ZNF594: variants seen among roughly 807,000 people sequenced by gnomAD.
The protein encoded by ZNF594 is zinc finger protein 594, also known as zinc finger protein HZF18.
For synonymous variants in ZNF594, 336 were observed against 309.4 expected, an observed-to-expected ratio of 1.09 and a Z score of -0.90; for missense variants, 1,037 against 964.6, an observed-to-expected ratio of 1.08 and a Z score of -0.99.
downstream of ZNF594, among the ~76,000 whole-genome samples, chr17:5,177,432 G>A (rs755537881): frequency 5.3e-5 from 8 of 152,118 alleles, no homozygotes; most frequent in Admixed American, 1.3e-4. Flanking sequence ...TTACTAGGCC[G>A]GACATGGTGG....
chr17:5,183,980 A>G lies in ZNF594; in HGVS notation c.277T>C (p.Ser93Pro). 1 of 1,614,086 alleles carries G rather than the reference A, an allele frequency of 6.2e-7. No homozygotes were observed. Among genetic ancestry groups the G allele is most frequent in the Non-Finnish European group, 8.5e-7 (1 of 1,180,022 alleles). The change falls in exon 2 of 2, where the codon TCT becomes CCT. Residue 93 changes from serine to proline, a missense_variant. Coordinates refer to ENST00000575779, the MANE Select transcript of ZNF594 (RefSeq NM_032530.2). ...TATCTATGGGAGCTTTCTCCTGCAG[A>G]AAGTATTTTTTCTCCTTCATTACAT... ...HGCNEGEKIL[S>P]AGESSHRYEV...
downstream of ZNF594, among the ~76,000 whole-genome samples, chr17:5,178,178 TAA>T (rs143332678): frequency 6.7e-6 from 1 of 149,072 alleles, no homozygotes; most frequent in Non-Finnish European, 1.5e-5. Context: ...ACAAATATTC[TAA>T]AAAAAACCAT....
Position 5,183,133 on chromosome 17 carries a change from G to T in ZNF594, c.1124C>A (p.Ala375Asp), listed in dbSNP as rs1192245495. 6.2e-7 allele frequency: 1 copy of T among 1,614,120 alleles called. No homozygotes were observed. ...EEQRIHQEEK[A>D]YWCNQCGRNF... ...CCTACCACACTGATTACACCAATAA[G>T]CTTTCTCTTCCTGGTGAATTCTCTG... The change falls in exon 2 of 2, where the codon GCT (alanine) becomes GAT (aspartate). Residue 375 changes from alanine (A) to aspartate (D), a missense_variant. Transcript: ENST00000575779.
At chr17:5,185,127 G>A (rs2074377831) in intron 1 of ZNF594, among the ~76,000 whole-genome samples, 1 of 152,170 alleles carries the variant, frequency 6.6e-6, no homozygotes, top group Non-Finnish European at 1.5e-5. Context: ...TGAGCTTATT[G>A]CTTTTGAGGG....
Position 5,182,003 on chromosome 17 carries a change from G to C in ZNF594, c.2254C>G (p.Gln752Glu). The C allele has an allele frequency of 6.2e-7, 1 of 1,613,404 alleles. No homozygotes were observed. The highest frequency in any genetic ancestry group is 8.5e-7 in the Non-Finnish European group (1 of 1,179,938). Residue 752 changes from glutamine (Q) to glutamate (E), a missense_variant, in exon 2 of 2, where the codon CAG becomes GAG. By Grantham distance (29) the Gln-to-Glu change is conservative. Coordinates refer to ENST00000575779, the MANE Select transcript of ZNF594 (RefSeq NM_032530.2). ...ACTTTCTTTTCCTGGTGAGTTCTCTGCTCTTTTCTAAGCTCCTCATCCTTG... is the reference window on the plus strand; with the variant it reads ...ACTTTCTTTTCCTGGTGAGTTCTCTCCTCTTTTCTAAGCTCCTCATCCTTG... Reference protein sequence around the residue: ...FSKDEELRKEQRTHQEKKVYW... With the variant: ...FSKDEELRKEERTHQEKKVYW...
At chr17:5,187,886 C>CTT (rs2074395637) in intron 1 of ZNF594, among the ~76,000 whole-genome samples, 2 of 103,396 alleles carry the variant, frequency 1.9e-5, no homozygotes, top group Admixed American at 2.2e-4. Context: ...GGCTGGATTT[C>CTT]CTTTTTTTTT....
In ZNF594 at chr17:5,184,265, T is replaced by C; in HGVS notation, c.-9A>G. ...GATTTCCATTCCTTCATCTTATTCC[T>C]GTCTTCAGAATCTGAAATGATAAGT... On this transcript the variant is annotated 5_prime_UTR_variant, in exon 2 of 2. Transcript: ENST00000575779. 1 of 1,605,368 alleles carries C rather than the reference T, an allele frequency of 6.2e-7. No homozygotes were observed. Among genetic ancestry groups the C allele is most frequent in the South Asian group, 1.1e-5 (1 of 89,812 alleles).
rs756011229 is a variant in ZNF594, at chr17:5,181,474, C to T, written c.*359G>A. 6.2e-7 allele frequency: 1 copy of T among 1,613,954 alleles called. No homozygotes were observed. The highest frequency in any genetic ancestry group is 8.5e-7 in the Non-Finnish European group (1 of 1,179,886). Reference sequence around the variant, plus strand: ...TTGCTGAAGGTTTTCTCACGTTCTTCAAGTTTCTCTCCAGCATGCAGTCTC... The same window carrying T: ...TTGCTGAAGGTTTTCTCACGTTCTTTAAGTTTCTCTCCAGCATGCAGTCTC... On this transcript the variant is annotated 3_prime_UTR_variant, in exon 2 of 2. Coordinates refer to ENST00000575779, the MANE Select transcript of ZNF594 (RefSeq NM_032530.2).
chr17:5,174,242 T>G, the ZNF594 span: 2 of 190,110 alleles, frequency 1.1e-5, no homozygotes, highest in African/African-American at 4.7e-5. Flanking sequence ...GAGGTAGAAT[T>G]TTTTTCATGT....
downstream of ZNF594, among the ~76,000 whole-genome samples, chr17:5,175,751 C>T (rs1200651570): frequency 1.3e-5 from 2 of 151,978 alleles, no homozygotes; most frequent in South Asian, 2.1e-4. Context: ...TAGCGGGCAC[C>T]GAGAAACCAG....
chr17:5,183,860 C>T lies in ZNF594; in HGVS notation c.397G>A (p.Glu133Lys). Residue 133 changes from glutamate to lysine, a missense_variant, in exon 2 of 2, where the codon GAA (glutamate) becomes AAA (lysine). Physicochemically the swap from Glu to Lys is moderately conservative, Grantham distance 56. Transcript: ENST00000575779. ...INKTYECKEC[E>K]KTFNRSSNLI... is the part of the protein sequence containing the mutation. ...TTTGAACTCCTGTTGAAGGTTTTTT[C>T]ACATTCCTTACATTCATAGGTCTTA... The T allele has an allele frequency of 6.2e-7, 1 of 1,613,442 alleles. No individual in the cohort carries two copies. Among genetic ancestry groups the T allele is most frequent in the Non-Finnish European group, 8.5e-7 (1 of 1,179,874 alleles).
chr17:5,184,478 G>A (rs551888106), intron 1 of ZNF594: 37 of 560,488 alleles, frequency 6.6e-5, no homozygotes, highest in African/African-American at 4.9e-4. Context: ...AACCCGCCAG[G>A]GTGCAGGCTG....
chr17:5,183,218 C>G lies in ZNF594; in HGVS notation c.1039G>C (p.Gly347Arg), dbSNP rs377400226. The change falls in exon 2 of 2, where the codon GGA (glycine) becomes CGA (arginine). Residue 347 changes from glycine (G) to arginine (R), a missense_variant. Physicochemically the swap from Gly to Arg is moderately radical, Grantham distance 125. Transcript: ENST00000575779. ...TTCTCACATTCTTCAATTTTCTCTC[C>G]AGCATGCAATCTCTGATGTTTAAGA... is the stretch of plus-strand genomic sequence containing the variant. ...AFLKHQRLHAGEKIEECEKTF... is the reference protein window; with the variant it reads ...AFLKHQRLHAREKIEECEKTF... The G allele has an allele frequency of 1.9e-6, 3 of 1,614,170 alleles. No individual in the cohort carries two copies. The highest frequency in any genetic ancestry group is 2.5e-6 in the Non-Finnish European group (3 of 1,180,038).
chr17:5,174,113 T>A, the ZNF594 span: 1 of 202,276 alleles, frequency 4.9e-6, no homozygotes, highest in Admixed American at 6.0e-5. Context: ...TTTTTTTATT[T>A]TGATATTTGT....
chr17:5,187,291 A>C lies in ZNF594; in HGVS notation c.-20-3015T>G, dbSNP rs762141733. On this transcript the variant is annotated intron_variant, in intron 1 of 1. Coordinates refer to ENST00000575779, the MANE Select transcript of ZNF594 (RefSeq NM_032530.2). Reference sequence around the variant, plus strand: ...CGGAAACCAATGATAAAACCATCAGATCTCATGAGACTTATTCACTACCAT... The same window carrying C: ...CGGAAACCAATGATAAAACCATCAGCTCTCATGAGACTTATTCACTACCAT... Among the ~76,000 whole-genome samples, 8 of 152,236 alleles carry C rather than the reference A, an allele frequency of 5.3e-5. No homozygotes were observed. In the South Asian group the frequency reaches 6.2e-4, roughly 12 times the overall value.
intron 1 of ZNF594, among the ~76,000 whole-genome samples, chr17:5,185,189 C>A (rs934549495): frequency 6.6e-6 from 1 of 152,188 alleles, no homozygotes; most frequent in Admixed American, 6.5e-5. Context: ...CGTTTTCATG[C>A]TGCTGATAAA....
At position 5,183,289 on chromosome 17, in the gene ZNF594, T is replaced by A. The variant is rs374447418; in HGVS notation, c.968A>T (p.Tyr323Phe). The A allele has an allele frequency of 6.2e-7, 1 of 1,614,142 alleles. No homozygotes were observed. The highest frequency in any genetic ancestry group is 8.5e-7 in the Non-Finnish European group (1 of 1,180,042). The change falls in exon 2 of 2, where the codon TAT (tyrosine) becomes TTT (phenylalanine). Residue 323 changes from tyrosine to phenylalanine, a missense_variant. Physicochemically the swap from Tyr to Phe is conservative, Grantham distance 22. Transcript: ENST00000575779. ...GGTCTTCCCACATCTGTGACATTCATAGGGTTTCTCTCCACTGTGGAGTCT... is the reference window on the plus strand; with the variant it reads ...GGTCTTCCCACATCTGTGACATTCAAAGGGTTTCTCTCCACTGTGGAGTCT... ...HQRLHSGEKP[Y>F]ECHRCGKTFS...
rs531082470 is a variant in ZNF594, at chr17:5,181,707, C to T, written c.*126G>A. 1.8e-5 allele frequency: 29 copies of T among 1,582,740 alleles called. No homozygotes were observed. The South Asian group carries it at 3.1e-4, about 17-fold the overall frequency. On this transcript the variant is annotated 3_prime_UTR_variant, in exon 2 of 2. Coordinates refer to ENST00000575779, the MANE Select transcript of ZNF594 (RefSeq NM_032530.2). ...GTGGGACCTCTGGCTAAAGACTTTC[C>T]CACATTCACTACATTCATGAGGTTT...
At chr17:5,174,144 AGTC>A in the ZNF594 span, 4 of 198,088 alleles carry the variant, frequency 2.0e-5, no homozygotes, top group African/African-American at 4.6e-5. Flanking sequence ...ATTTTACAGT[AGTC>A]ATTGAAAGTT....
Sources: allele counts gnomAD v4.1 joint callset (sites outside exome capture counted in the v4.1 genomes callset), GRCh38; gene constraint gnomAD v4.1.1; transcripts MANE v1.5; gene names NCBI Gene and HGNC (gene_info 2026-07-23, HGNC 2026-07-21).